The following COL4A5 variants were observed in gnomAD, a reference collection of about 807,000 sequenced individuals.
The protein encoded by COL4A5 is collagen type IV alpha 5 chain, also known as collagen alpha-5(IV) chain.
A neutral mutation model predicts 130.2 loss-of-function variants in COL4A5; 26 were observed. The observed-to-expected ratio is 0.20, with a 90% CI of 0.15 to 0.28. The LOEUF is 0.28. Ranked by LOEUF, COL4A5 falls within the 10% of genes least tolerant of loss-of-function variation. The pLI is 1.00. For missense variants in COL4A5, 1,131 were observed against 1,344.3 expected, an observed-to-expected ratio of 0.84 and a Z score of 2.48; for synonymous variants, 496 against 439.6, an observed-to-expected ratio of 1.13 and a Z score of -1.60.
intron 1 of COL4A5, among the ~76,000 whole-genome samples, chrX:108,491,762 C>G (rs1413546542): frequency 9.0e-6 from 1 of 111,294 alleles, no homozygotes; most frequent in African/African-American, 3.3e-5. Flanking sequence ...TAGAAGTAAC[C>G]TTATTCTTAA....
At position 108,571,806 on chromosome X, in the gene COL4A5, A is replaced by T; in HGVS notation, c.439-5A>T. The T allele has an allele frequency of 8.5e-7, 1 of 1,172,140 alleles. No individual in the cohort carries two copies. Among genetic ancestry groups the T allele is most frequent in the Non-Finnish European group, 1.2e-6 (1 of 860,058 alleles). On this transcript the variant is annotated splice_region_variant and splice_polypyrimidine_tract_variant and intron_variant, in intron 7 of 52. Transcript: ENST00000328300. ...TAAAATAATCCCTTTTCTTTTTAAT[A>T]ATAGGGACCCCCTGGGATCCCAGGT... is the stretch of plus-strand genomic sequence containing the variant.
intron 1 of COL4A5, among the ~76,000 whole-genome samples, chrX:108,501,843 G>T (rs771017515): frequency 9.0e-6 from 1 of 111,620 alleles, no homozygotes; most frequent in South Asian, 3.7e-4. Flanking sequence ...TCTTTTTTTT[G>T]GTCATCCAAG....
intron 2 of COL4A5, among the ~76,000 whole-genome samples, chrX:108,554,873 C>T (rs919096538): frequency 4.5e-5 from 5 of 111,198 alleles, no homozygotes; most frequent in African/African-American, 1.6e-4. Flanking sequence ...AATAACCACC[C>T]CCCAAAACAA....
At chrX:108,592,436 C>G (rs2066451854) in intron 21 of COL4A5, among the ~76,000 whole-genome samples, 1 of 110,754 alleles carries the variant, frequency 9.0e-6, no homozygotes, top group Admixed American at 9.7e-5. Context: ...AAATGTAATC[C>G]TACATTCCCT....
intron 47 of COL4A5, among the ~76,000 whole-genome samples, chrX:108,684,388 C>T (rs1171200111): frequency 9.0e-6 from 1 of 110,943 alleles, no homozygotes; most frequent in Non-Finnish European, 1.9e-5. Flanking sequence ...AAGAGAGACT[C>T]AAATAGACAC....
Position 108,622,803 on chromosome X carries a change from G to A in COL4A5, c.2895G>A (p.Glu965=). The change falls in exon 33 of 53, where the codon GAG becomes GAA. Residue 965 remains glutamate (E), a synonymous_variant. Transcript: ENST00000328300. ...MDPNLLGSKG[E]KGEPGLPGIP... ...CAAATCTTCTGGGCTCAAAAGGAGAGAAGGGGGAACCTGGCTTACCAGGTG... is the reference window on the plus strand; with the variant it reads ...CAAATCTTCTGGGCTCAAAAGGAGAAAAGGGGGAACCTGGCTTACCAGGTG... 1 of 1,210,756 alleles carries A rather than the reference G, an allele frequency of 8.3e-7. No individual in the cohort carries two copies. Among genetic ancestry groups the A allele is most frequent in the Non-Finnish European group, 1.1e-6 (1 of 895,057 alleles).
chrX:108,610,386 C>T (rs1326416301), intron 29 of COL4A5, among the ~76,000 whole-genome samples: 4 of 111,064 alleles, frequency 3.6e-5, no homozygotes, highest in Non-Finnish European at 7.6e-5. Context: ...CCAGCAAAAG[C>T]CCCAGACTAG....
intron 1 of COL4A5, among the ~76,000 whole-genome samples, chrX:108,460,362 C>A (rs1440806431): frequency 2.7e-5 from 3 of 111,518 alleles, no homozygotes; most frequent in Middle Eastern, 4.7e-3. Context: ...ATTAATCACC[C>A]TAGGCCGTGG....
At chrX:108,692,698 A>G (rs1297544686) in intron 49 of COL4A5, 50 bp from the exon 50 acceptor site, 1 of 1,152,955 alleles carries the variant, frequency 8.7e-7, no homozygotes, top group Admixed American at 2.2e-5. Context: ...AAGAAACCAA[A>G]GTATCATTAT....
chrX:108,517,883 A>G (rs972084416), intron 1 of COL4A5, among the ~76,000 whole-genome samples: 29 of 110,799 alleles, frequency 2.6e-4, no homozygotes, highest in Non-Finnish European at 1.9e-4. Context: ...TGTTTGTCTT[A>G]TACCATTTAT....
chrX:108,545,457 A>C (rs182659987), intron 2 of COL4A5, among the ~76,000 whole-genome samples: 1 of 111,822 alleles, frequency 8.9e-6, no homozygotes, highest in Admixed American at 9.5e-5. Context: ...GTTTGATTGC[A>C]CTGTGGTCTG....
Position 108,577,304 on chromosome X carries a change from G to A in COL4A5, c.610-648G>A, listed in dbSNP as rs191566613. On this transcript the variant is annotated intron_variant, in intron 10 of 52. Transcript: ENST00000328300. ...GGAAAATCGCTTGAACCCAGGAGGCGGAGGTTGTGGTGAGCCGAGATCGTT... is the reference window on the plus strand; with the variant it reads ...GGAAAATCGCTTGAACCCAGGAGGCAGAGGTTGTGGTGAGCCGAGATCGTT... 1.4e-3 allele frequency among the ~76,000 whole-genome samples: 149 copies of A among 104,408 alleles called. 2 individuals carry two copies. The Admixed American group carries it at 0.015, about 10-fold the overall frequency. 90.7% of individuals were successfully genotyped at this position (104,408 alleles called of 115,157 possible).
intron 2 of COL4A5, among the ~76,000 whole-genome samples, chrX:108,545,204 G>A (rs1257431622): frequency 9.0e-6 from 1 of 111,375 alleles, no homozygotes; most frequent in Non-Finnish European, 1.9e-5. Flanking sequence ...TGATGTTAGG[G>A]TGTCAATTTT....
Position 108,506,118 on chromosome X carries a change from A to G in COL4A5, c.82-33628A>G, listed in dbSNP as rs1352896422. Among the ~76,000 whole-genome samples, 6 of 111,899 alleles carry G rather than the reference A, an allele frequency of 5.4e-5. No homozygotes were observed. The East Asian group carries it at 1.7e-3, about 32-fold the overall frequency. ...CACAAGTTGGCTCCTGAGTCCTTTA[A>G]CAAGACTCTAGTCTTTAAAAGCTTT... On this transcript the variant is annotated intron_variant, in intron 1 of 52. Transcript: ENST00000328300.
At chrX:108,596,450 G>A (rs775710809) in intron 22 of COL4A5, among the ~76,000 whole-genome samples, 1 of 112,001 alleles carries the variant, frequency 8.9e-6, no homozygotes, top group South Asian at 3.7e-4. Flanking sequence ...TTTCTAATTA[G>A]TAGCCAGGTG....
At chrX:108,573,709 A>C in intron 9 of COL4A5, 55 bp downstream of exon 9, 1 of 819,112 alleles carries the variant, frequency 1.2e-6, no homozygotes. Flanking sequence ...AGAAGATTAC[A>C]ACAATCCCTC....
At chrX:108,632,268 A>G (rs1569500392) in intron 36 of COL4A5, among the ~76,000 whole-genome samples, 1 of 111,100 alleles carries the variant, frequency 9.0e-6, no homozygotes. Context: ...ACTCCCCCCA[A>G]GACTAAACCA....
At chrX:108,532,022 A>G (rs1295381693) in intron 1 of COL4A5, among the ~76,000 whole-genome samples, 1 of 111,422 alleles carries the variant, frequency 9.0e-6, no homozygotes, top group Non-Finnish European at 1.9e-5. Flanking sequence ...GACAGAAATA[A>G]TACCAATCCT....
intron 1 of COL4A5, among the ~76,000 whole-genome samples, chrX:108,503,472 C>T (rs2065098706): frequency 9.0e-6 from 1 of 111,731 alleles, no homozygotes; most frequent in South Asian, 3.7e-4. Context: ...GCCAAACTAT[C>T]TCTCTTAGTC....
Sources: allele counts gnomAD v4.1 joint callset (sites outside exome capture counted in the v4.1 genomes callset), GRCh38; gene constraint gnomAD v4.1.1; transcripts MANE v1.5; gene names NCBI Gene and HGNC (gene_info 2026-07-23, HGNC 2026-07-21).